Variants in FER1L5 observed in about 807,000 individuals in gnomAD.
FER1L5 encodes fer-1 like family member 5, also known as fer-1-like protein 5.
FER1L5 carries 187 observed loss-of-function variants against 279.9 expected under a neutral mutation model. The ratio of observed to expected loss-of-function variants is 0.67; its 90% CI spans 0.59 to 0.75. The LOEUF is 0.75. FER1L5 is among the 30% of genes least tolerant of loss of function. The pLI is 0.00. For missense variants in FER1L5, 2,091 were observed against 2,594.4 expected (o/e 0.81, Z 4.21); for synonymous variants, 921 against 989.7 (o/e 0.93, Z 1.30).
intron 18 of FER1L5, 52 bp downstream of exon 18, chr2:96,670,299 C>G: frequency 1.3e-6 from 2 of 1,544,562 alleles, no homozygotes; most frequent in South Asian, 1.2e-5. Flanking sequence ...CTGTCTGCCC[C>G]GGATCTACTG....
rs940901608 is a variant in FER1L5, at chr2:96,686,073, A to G, written c.2029A>G (p.Thr677Ala). The G allele has an allele frequency of 6.4e-7, 1 of 1,551,606 alleles. No individual in the cohort carries two copies. Among genetic ancestry groups the G allele is most frequent in the Non-Finnish European group, 8.7e-7 (1 of 1,146,960 alleles). ...AGCCAAGCCCAAGGACATGGTGGCCACAGCGGAGGACTGGCTGTACCGCCT... is the reference window on the plus strand; with the variant it reads ...AGCCAAGCCCAAGGACATGGTGGCCGCAGCGGAGGACTGGCTGTACCGCCT... ...KQAKPKDMVA[T>A]AEDWLYRLNT... Residue 677 changes from threonine (T) to alanine (A), a missense_variant, in exon 22 of 53, where the codon ACA (threonine) becomes GCA (alanine). By Grantham distance (58) the Thr-to-Ala change is moderately conservative. Coordinates refer to ENST00000624922, the MANE Select transcript of FER1L5 (RefSeq NM_001293083.2).
chr2:96,647,850 CTTGACCCTG>C lies in FER1L5; in HGVS notation c.304_312del (p.Thr103_Leu105del). The C allele has an allele frequency of 1.3e-6, 2 of 1,551,844 alleles. No individual in the cohort carries two copies. The highest frequency in any genetic ancestry group is 1.7e-6 in the Non-Finnish European group (2 of 1,147,028). ...CAAGTGAGGTCCTTTTTGTGAAGGA[CTTGACCCTG>C]CTCAACCATTCCATGAAGCCCACAG... is the stretch of plus-strand genomic sequence containing the variant. On this transcript the variant is annotated inframe_deletion, in exon 4 of 53. Coordinates refer to ENST00000624922, the MANE Select transcript of FER1L5 (RefSeq NM_001293083.2).
intron 17 of FER1L5, among the ~76,000 whole-genome samples, chr2:96,669,902 A>G (rs897428283): frequency 6.6e-6 from 1 of 152,132 alleles, no homozygotes; most frequent in African/African-American, 2.4e-5. Context: ...ACGGTATTCC[A>G]TGGGGCAGGC....
At chr2:96,659,336 T>C (rs2075758746) in intron 9 of FER1L5, among the ~76,000 whole-genome samples, 1 of 80,298 alleles carries the variant, frequency 1.2e-5, no homozygotes, top group African/African-American at 5.5e-5. Flanking sequence ...CTTCCTTCCT[T>C]CCTTCCTTCC....
intron 51 of FER1L5, among the ~76,000 whole-genome samples, chr2:96,703,847 ACT>A (rs939326785): frequency 5.0e-5 from 6 of 119,036 alleles, no homozygotes; most frequent in African/African-American, 2.0e-4. Flanking sequence ...TAATTGTCTC[ACT>A]CTGTCACCCA....
chr2:96,661,907 G>C, intron 12 of FER1L5, 116 bp downstream of exon 12: 1 of 1,420,112 alleles, frequency 7.0e-7, no homozygotes, highest in Non-Finnish European at 9.5e-7. Flanking sequence ...TTGGGGTAGG[G>C]GGGACAGGGT....
chr2:96,647,613 G>A (rs537474887), intron 3 of FER1L5, among the ~76,000 whole-genome samples, 165 bp from the exon 4 acceptor site: 1 of 152,294 alleles, frequency 6.6e-6, no homozygotes, highest in South Asian at 2.1e-4. Flanking sequence ...CAGAAGCCCT[G>A]TGCCCTGTCA....
rs2077148964 is a variant in FER1L5, at chr2:96,691,571, G to C, written c.3034G>C (p.Asp1012His). ...GCGCCGCAGGCTGGCCCCCAACAAG[G>C]ACAAGGGCATCGCGCCCATATTCCT... is the stretch of plus-strand genomic sequence containing the variant. ...CWRRRLAPNK[D>H]KGIAPIFLLE... Residue 1012 changes from aspartate to histidine, a missense_variant, in exon 29 of 53, where the codon GAC becomes CAC. Coordinates refer to ENST00000624922, the MANE Select transcript of FER1L5 (RefSeq NM_001293083.2). This position sits in a 1 kb window ranked among gnomAD's most constrained non-coding sequence, Gnocchi z 6.0. 1 of 1,546,996 alleles carries C rather than the reference G, an allele frequency of 6.5e-7. No individual in the cohort carries two copies. The highest frequency in any genetic ancestry group is 1.4e-5 in the African/African-American group (1 of 72,916).
chr2:96,703,137 AT>A lies in FER1L5; in HGVS notation c.5498-11del. ...CAGGGAGCTCCTTCTTGCTGATGTC[AT>A]TTTTCTGGGCTCAGGGGTCCTGGAG... On this transcript the variant is annotated splice_polypyrimidine_tract_variant and intron_variant, in intron 49 of 52. Coordinates refer to ENST00000624922, the MANE Select transcript of FER1L5 (RefSeq NM_001293083.2). 6.2e-7 allele frequency: 1 copy of A among 1,612,438 alleles called. No homozygotes were observed. The highest frequency in any genetic ancestry group is 8.5e-7 in the Non-Finnish European group (1 of 1,178,816).
intron 19 of FER1L5, among the ~76,000 whole-genome samples, chr2:96,673,798 A>G (rs535444276): frequency 6.6e-6 from 1 of 152,336 alleles, no homozygotes; most frequent in Non-Finnish European, 1.5e-5. Context: ...TCTTGACCCC[A>G]CGCTAGCCCT....
intron 19 of FER1L5, among the ~76,000 whole-genome samples, chr2:96,681,402 C>T (rs1573900864): frequency 6.6e-6 from 1 of 152,144 alleles, no homozygotes; most frequent in Non-Finnish European, 1.5e-5. Flanking sequence ...AAAGTGGTCC[C>T]TGCTTGGCAG....
intron 7 of FER1L5, 31 bp downstream of exon 7, chr2:96,652,051 G>A (rs1306714646): frequency 2.6e-6 from 4 of 1,551,132 alleles, no homozygotes; most frequent in Non-Finnish European, 3.5e-6. Flanking sequence ...CAGGCAAGGA[G>A]CCAGCCAAGG....
chr2:96,691,718 C>T lies in FER1L5; in HGVS notation c.3075+106C>T, dbSNP rs1277728645. 2 of 1,548,978 alleles carry T rather than the reference C, an allele frequency of 1.3e-6. No individual in the cohort carries two copies. The highest frequency in any genetic ancestry group is 2.4e-5 in the South Asian group (2 of 83,402). Reference sequence around the variant, plus strand: ...GACTGCGGAGGAAGGGCCTCTGTTCCTCAGGCTTGCGAGGGTGGCAGTGTG... The same window carrying T: ...GACTGCGGAGGAAGGGCCTCTGTTCTTCAGGCTTGCGAGGGTGGCAGTGTG... On this transcript the variant is annotated intron_variant, in intron 29 of 52. Transcript: ENST00000624922. This position sits in a 1 kb window ranked among gnomAD's most constrained non-coding sequence, Gnocchi z 6.0.
At chr2:96,650,136 T>C (rs2075301466) in intron 5 of FER1L5, 44 bp from the exon 6 acceptor site, 1 of 1,462,410 alleles carries the variant, frequency 6.8e-7, no homozygotes, top group Non-Finnish European at 9.4e-7. Context: ...TCAAACCTCC[T>C]GGGCCCCAGG....
At chr2:96,669,718 C>T (rs1366701403) in intron 17 of FER1L5, among the ~76,000 whole-genome samples, 1 of 152,200 alleles carries the variant, frequency 6.6e-6, no homozygotes, top group Non-Finnish European at 1.5e-5. Flanking sequence ...AACCTCACCA[C>T]ACAGCCTCCA....
chr2:96,656,300 A>G (rs902372004), intron 9 of FER1L5, among the ~76,000 whole-genome samples: 9 of 152,342 alleles, frequency 5.9e-5, no homozygotes, highest in African/African-American at 1.9e-4. Context: ...TCAATGTTCA[A>G]ATTCCCCTAA....
rs2075474708 is a variant in FER1L5 at position 96,653,651 on chromosome 2, G to A, written c.645G>A (p.Gln215=). The change falls in exon 8 of 53, where the codon CAG becomes CAA. Residue 215 remains glutamine, a synonymous_variant. Transcript: ENST00000624922. ...NNPFFNEIFF[Q]NFHEVPAKFF... ...TCTCTTTGCCTCAGATCTTCTTCCA[G>A]AATTTTCATGAGGTTCCTGCAAAGT... The A allele has an allele frequency of 6.4e-7, 1 of 1,551,378 alleles. No homozygotes were observed. The highest frequency in any genetic ancestry group is 8.7e-7 in the Non-Finnish European group (1 of 1,146,908).
At chr2:96,666,712 G>A (rs1377050645) in intron 14 of FER1L5, among the ~76,000 whole-genome samples, 5 of 151,256 alleles carry the variant, frequency 3.3e-5, no homozygotes, top group Admixed American at 6.6e-5. Flanking sequence ...CTGCAGTGAC[G>A]CAATCTCAGC....
intron 2 of FER1L5, 39 bp downstream of exon 2, chr2:96,646,492 C>G (rs1310620572): frequency 6.5e-7 from 1 of 1,547,758 alleles, no homozygotes; most frequent in East Asian, 2.4e-5. Context: ...AAATAACAAC[C>G]CCAACAGCAA....
Sources: gnomAD v4.1 joint callset for allele counts (sites outside exome capture counted in the v4.1 genomes callset) on GRCh38, gnomAD v4.1.1 for gene constraint, Gnocchi (gnomAD v3.1) non-coding constraint, MANE v1.5 for transcripts, NCBI Gene and HGNC (gene_info 2026-07-23, HGNC 2026-07-21) for gene names.